The following ASTN2 variants were observed in gnomAD, a reference collection of about 807,000 sequenced individuals.
ASTN2 encodes astrotactin-2.
A neutral mutation model predicts 139.8 loss-of-function variants in ASTN2; 54 were observed. That is an observed-to-expected ratio of 0.39 (90% CI 0.31 to 0.48). ASTN2 has a LOEUF of 0.48. ASTN2 is among the 20% of genes least tolerant of loss of function. The pLI is 0.95. For synonymous variants in ASTN2, 756 were observed against 719.5 expected, an observed-to-expected ratio of 1.05 and a Z score of -0.81; for missense variants, 1,565 against 1,725.1, an observed-to-expected ratio of 0.91 and a Z score of 1.64.
rs926943419 is a variant in ASTN2, at chr9:116,604,935, C to G, written c.3355+13389G>C. 8.6e-5 allele frequency among the ~76,000 whole-genome samples: 13 copies of G among 151,816 alleles called. 1 individual carries two copies. The highest frequency in any genetic ancestry group is 1.6e-4 in the Non-Finnish European group (11 of 67,988). Reference sequence around the variant, plus strand: ...ATGGCCTCTGGACATTCTCCTTTACCTGGATGTAAGTCTAAATCAGCAGCT... The same window carrying G: ...ATGGCCTCTGGACATTCTCCTTTACGTGGATGTAAGTCTAAATCAGCAGCT... On this transcript the variant is annotated intron_variant, in intron 19 of 22. Coordinates refer to ENST00000313400, the MANE Select transcript of ASTN2 (RefSeq NM_001365068.1).
chr9:117,096,296 A>G, intron 4 of ASTN2, 145 bp from the exon 5 acceptor site: 1 of 655,844 alleles, frequency 1.5e-6, no homozygotes, highest in Non-Finnish European at 2.7e-6. Context: ...TGATAAATGG[A>G]AGGAGTTCAT....
At chr9:117,336,858 C>T (rs1044649206) in intron 1 of ASTN2, among the ~76,000 whole-genome samples, 1 of 152,132 alleles carries the variant, frequency 6.6e-6, no homozygotes, top group African/African-American at 2.4e-5. Context: ...GAACTCGAAG[C>T]TTTAGCCATT....
At chr9:116,618,643 C>A (rs556320456) in intron 18 of ASTN2, among the ~76,000 whole-genome samples, 171 bp from the exon 19 acceptor site, 33 of 152,280 alleles carry the variant, frequency 2.2e-4, no homozygotes, top group African/African-American at 7.7e-4. Context: ...CCTCTCATGG[C>A]CTCTGTTTCT....
chr9:117,051,661 A>T lies in ASTN2; in HGVS notation c.1277-11696T>A, dbSNP rs182665371. On this transcript the variant is annotated intron_variant, in intron 5 of 22. Transcript: ENST00000313400. ...CCCATCATTCTTTTATTTCAAAGAC[A>T]GATTCTGTCATTTGACTCTCACATG... Among the ~76,000 whole-genome samples, 148 of 152,324 alleles carry T rather than the reference A, an allele frequency of 9.7e-4. 1 individual carries two copies. Among genetic ancestry groups the T allele is most frequent in the African/African-American group, 3.4e-3 (140 of 41,564 alleles).
intron 19 of ASTN2, among the ~76,000 whole-genome samples, chr9:116,542,788 G>T (rs1851928594): frequency 6.6e-6 from 1 of 152,064 alleles, no homozygotes; most frequent in South Asian, 2.1e-4. Flanking sequence ...ATGGTGGCAG[G>T]TGCCTGTAAT....
intron 2 of ASTN2, among the ~76,000 whole-genome samples, chr9:117,254,608 A>G (rs965266134): frequency 3.9e-5 from 6 of 152,240 alleles, no homozygotes; most frequent in Non-Finnish European, 7.3e-5. Flanking sequence ...AACATAAAGC[A>G]GTGGCATTTA....
chr9:116,490,696 C>T (rs375329490), intron 19 of ASTN2, among the ~76,000 whole-genome samples: 2 of 152,024 alleles, frequency 1.3e-5, no homozygotes, highest in Admixed American at 6.6e-5. Flanking sequence ...GGGAAATAGC[C>T]CCTTATAAAA....
At chr9:116,726,041 ATTTTGTGC>A in intron 15 of ASTN2, 91 bp from the exon 16 acceptor site, 8 of 1,303,468 alleles carry the variant, frequency 6.1e-6, no homozygotes, top group Non-Finnish European at 8.4e-6. Context: ...CCCAACCTGT[ATTTTGTGC>A]CTTACCCCTC....
At chr9:117,018,276 C>T (rs996358278) in intron 6 of ASTN2, among the ~76,000 whole-genome samples, 1 of 152,130 alleles carries the variant, frequency 6.6e-6, no homozygotes, top group African/African-American at 2.4e-5. Context: ...CACTATGCTC[C>T]CTGCAGCCTG....
At chr9:116,514,771 C>T (rs191987526) in intron 19 of ASTN2, among the ~76,000 whole-genome samples, 90 of 152,322 alleles carry the variant, frequency 5.9e-4, no homozygotes, top group Non-Finnish European at 1.1e-3. Context: ...AAGCGAGGCT[C>T]CATGGGCATG....
At chr9:116,977,468 A>G (rs1465058060) in intron 7 of ASTN2, among the ~76,000 whole-genome samples, 1 of 150,312 alleles carries the variant, frequency 6.7e-6, no homozygotes, top group Non-Finnish European at 1.5e-5. Flanking sequence ...CATCCATCCA[A>G]CCATCCATTA....
chr9:116,842,989 A>G (rs1043407530), intron 11 of ASTN2, among the ~76,000 whole-genome samples: 4 of 151,998 alleles, frequency 2.6e-5, no homozygotes. Context: ...GCAGGGTCCA[A>G]CCCTCAGTAT....
chr9:116,488,537 A>G (rs769608088), intron 19 of ASTN2, among the ~76,000 whole-genome samples: 6 of 152,254 alleles, frequency 3.9e-5, no homozygotes, highest in Non-Finnish European at 7.3e-5. Flanking sequence ...TAAATGTCCA[A>G]CTACATAGAA....
intron 2 of ASTN2, among the ~76,000 whole-genome samples, chr9:117,222,065 G>T (rs1832540897): frequency 6.6e-6 from 1 of 152,038 alleles, no homozygotes; most frequent in Non-Finnish European, 1.5e-5. Flanking sequence ...AGTTTTCATG[G>T]ATTTTCATCA....
At chr9:117,395,945 G>C (rs1041624270) in intron 1 of ASTN2, among the ~76,000 whole-genome samples, 4 of 152,218 alleles carry the variant, frequency 2.6e-5, no homozygotes, top group Admixed American at 6.5e-5. Context: ...AAGTCAGTGT[G>C]ATCTGGGAAT....
chr9:117,091,497 A>G lies in ASTN2; in HGVS notation c.1276+4547T>C, dbSNP rs529054363. 3.3e-5 allele frequency among the ~76,000 whole-genome samples: 5 copies of G among 152,304 alleles called. No homozygotes were observed. The East Asian group carries it at 7.7e-4, about 24-fold the overall frequency. The stretch of plus-strand genomic sequence containing the variant: ...GGGTACAGCACAGCATCTGGTATAG[A>G]ATGAGACAGGGAAATTAACTCAGGT... On this transcript the variant is annotated intron_variant, in intron 5 of 22. Coordinates refer to ENST00000313400, the MANE Select transcript of ASTN2 (RefSeq NM_001365068.1).
intron 13 of ASTN2, among the ~76,000 whole-genome samples, chr9:116,803,678 C>T (rs10983354): frequency 0.24 from 36,808 of 150,566 alleles, 4,852 homozygotes; most frequent in East Asian, 0.49. Flanking sequence ...GCGCCTGCCA[C>T]TACGCCTGGC....
intron 16 of ASTN2, among the ~76,000 whole-genome samples, chr9:116,703,166 C>T (rs1444249945): frequency 6.6e-6 from 1 of 151,326 alleles, no homozygotes; most frequent in African/African-American, 2.4e-5. Context: ...TTAATGATTG[C>T]CATTCTAACT....
rs979415124 is a variant in ASTN2 at position 117,127,500 on chromosome 9, C to T, written c.1168+13826G>A. On this transcript the variant is annotated intron_variant, in intron 4 of 22. Coordinates refer to ENST00000313400, the MANE Select transcript of ASTN2 (RefSeq NM_001365068.1). ...TTTATTTCCATGGTTTTGTAATGGC[C>T]CAATGGGTTCATCTTGTCCATTGCC... 3.3e-5 allele frequency among the ~76,000 whole-genome samples: 5 copies of T among 151,996 alleles called. No individual in the cohort carries two copies. In the East Asian group the frequency reaches 9.6e-4, roughly 29 times the overall value.
Sources: allele counts gnomAD v4.1 joint callset (sites outside exome capture counted in the v4.1 genomes callset), GRCh38; gene constraint gnomAD v4.1.1; transcripts MANE v1.5; gene names NCBI Gene and HGNC (gene_info 2026-07-23, HGNC 2026-07-21).